Variants in PACS2 observed in about 807,000 individuals in gnomAD.
PACS2 encodes phosphofurin acidic cluster sorting protein 2.
A neutral mutation model predicts 113.0 loss-of-function variants in PACS2; 36 were observed. The ratio of observed to expected loss-of-function variants is 0.32; its 90% CI spans 0.24 to 0.42. The LOEUF is 0.42. Among genes scored for constraint, PACS2 ranks in the 10% least tolerant of loss-of-function variants. The pLI, the probability that PACS2 is intolerant of heterozygous loss-of-function variation, is 1.00. For synonymous variants in PACS2, 589 were observed against 536.1 expected (o/e 1.10, Z -1.36); for missense variants, 1,015 against 1,239.5 (o/e 0.82, Z 2.72).
intron 9 of PACS2, 85 bp downstream of exon 9, chr14:105,377,010 A>G (rs2080807931): frequency 7.1e-7 from 1 of 1,406,302 alleles, no homozygotes; most frequent in Non-Finnish European, 9.6e-7. Flanking sequence ...ACCCATGTCC[A>G]GCCCTGGAGA....
intron 22 of PACS2, 163 bp downstream of exon 22, chr14:105,391,929 C>T (rs1264348381): frequency 9.3e-6 from 6 of 645,494 alleles, no homozygotes; most frequent in Non-Finnish European, 1.3e-5. Context: ...CTCTGGCCAC[C>T]TCCTGCCACA....
chr14:105,338,697 A>T (rs2059616726), intron 1 of PACS2, among the ~76,000 whole-genome samples: 1 of 152,144 alleles, frequency 6.6e-6, no homozygotes, highest in Admixed American at 6.5e-5. Flanking sequence ...GACCTGCGTG[A>T]CTGACCCCTG....
Position 105,394,879 on chromosome 14 carries a change from G to A in PACS2, c.*207G>A, listed in dbSNP as rs1023776171. 7 of 549,684 alleles carry A rather than the reference G, an allele frequency of 1.3e-5. No individual in the cohort carries two copies. Among genetic ancestry groups the A allele is most frequent in the African/African-American group, 9.5e-5 (5 of 52,634 alleles). The allele number at this position is 549,684 out of a possible 1,614,324, so 34.1% of individuals were successfully genotyped here. On this transcript the variant is annotated 3_prime_UTR_variant, in exon 25 of 25. Transcript: ENST00000447393. ...GCTCTGCTTATTAACCCGAACGTTC[G>A]GCCCGGGGCTGGGAAGCCAGAAGGA...
At chr14:105,321,141 C>T (rs1277164369) in intron 1 of PACS2, among the ~76,000 whole-genome samples, 1 of 152,096 alleles carries the variant, frequency 6.6e-6, no homozygotes, top group Non-Finnish European at 1.5e-5. Flanking sequence ...TTTGAACCTG[C>T]TTTCTGGGTC....
rs587703407 is a variant in PACS2 at position 105,381,691 on chromosome 14, C to A, written c.1269-223C>A. Among the ~76,000 whole-genome samples, 4 of 152,362 alleles carry A rather than the reference C, an allele frequency of 2.6e-5. No homozygotes were observed. The East Asian group carries it at 7.7e-4, about 29-fold the overall frequency. ...CTCACAGGCAGAGCTGTGTGGGGTC[C>A]CATCGGAGGCACGGCCTCACTTGTA... is the stretch of plus-strand genomic sequence containing the variant. On this transcript the variant is annotated intron_variant, in intron 12 of 24. Coordinates refer to ENST00000447393, the MANE Select transcript of PACS2 (RefSeq NM_001100913.3).
At chr14:105,364,026 C>T (rs1281162425) in intron 4 of PACS2, among the ~76,000 whole-genome samples, 1 of 152,044 alleles carries the variant, frequency 6.6e-6, no homozygotes, top group African/African-American at 2.4e-5. Flanking sequence ...TTCGTGGTGC[C>T]CCAGAGCAGT....
chr14:105,300,857 G>A, exon 1 of PACS2: 1 of 174,924 alleles, frequency 5.7e-6, no homozygotes, highest in Non-Finnish European at 1.2e-5. Flanking sequence ...CCACGGCGGG[G>A]ACGCGAGGAC....
chr14:105,392,684 A>G lies in PACS2; in HGVS notation c.2321A>G (p.Asp774Gly). 2 of 1,612,788 alleles carry G rather than the reference A, an allele frequency of 1.2e-6. No homozygotes were observed. Among genetic ancestry groups the G allele is most frequent in the Non-Finnish European group, 1.7e-6 (2 of 1,179,898 alleles). The change falls in exon 23 of 25, where the codon GAC becomes GGC. Residue 774 changes from aspartate (D) to glycine (G), a missense_variant. Physicochemically the swap from Asp to Gly is moderately conservative, Grantham distance 94. Coordinates refer to ENST00000447393, the MANE Select transcript of PACS2 (RefSeq NM_001100913.3). The part of the protein sequence containing the change: ...VDYWTAAQPA[D>G]RKRDAEKKDL... Reference sequence around the variant, plus strand: ...TACTGGACGGCAGCACAGCCTGCGGACAGGAAGAGGGACGCCGAGAAGAAG... The same window carrying G: ...TACTGGACGGCAGCACAGCCTGCGGGCAGGAAGAGGGACGCCGAGAAGAAG...
At position 105,358,449 on chromosome 14, in the gene PACS2, G is replaced by A. The variant is rs1011127748; in HGVS notation, c.423+3272G>A. Among the ~76,000 whole-genome samples the A allele has an allele frequency of 1.6e-4, 24 of 152,204 alleles. No homozygotes were observed. Among genetic ancestry groups the A allele is most frequent in the African/African-American group, 5.8e-4 (24 of 41,448 alleles). ...GGGGGCAGACGTGGGGCCTTCTCCT[G>A]TGGTGTGGCTCTCAGAACTCACCCC... On this transcript the variant is annotated intron_variant, in intron 4 of 24. Coordinates refer to ENST00000447393, the MANE Select transcript of PACS2 (RefSeq NM_001100913.3). This position sits in a 1 kb window ranked among gnomAD's most constrained non-coding sequence, Gnocchi z 4.9.
chr14:105,381,704 G>A (rs1255688981), intron 12 of PACS2, among the ~76,000 whole-genome samples: 3 of 152,234 alleles, frequency 2.0e-5, no homozygotes, highest in Non-Finnish European at 2.9e-5. Flanking sequence ...TCGGAGGCAC[G>A]GCCTCACTTG....
intron 1 of PACS2, among the ~76,000 whole-genome samples, chr14:105,306,090 G>A (rs946757583): frequency 1.3e-5 from 2 of 152,208 alleles, no homozygotes; most frequent in African/African-American, 4.8e-5. Flanking sequence ...TAATGTAGGT[G>A]TTGCACTGAA....
chr14:105,362,326 G>A (rs1176953160), intron 4 of PACS2, among the ~76,000 whole-genome samples: 3 of 150,786 alleles, frequency 2.0e-5, no homozygotes, highest in African/African-American at 4.9e-5. Flanking sequence ...GCTGAGGCAG[G>A]AGAATGGTGT....
chr14:105,317,617 TTTTTTTTCTC>T lies in PACS2; in HGVS notation c.119+2590_119+2599del, dbSNP rs367562123. Reference sequence around the variant, plus strand: ...GTGAAATTCCTGTTCCTTTGCCAGTTTTTTTTTCTCTTTTTTTCTGCTTGAGTTTCAGCAG... The same window carrying T: ...GTGAAATTCCTGTTCCTTTGCCAGTTTTTTTTTCTGCTTGAGTTTCAGCAG... On this transcript the variant is annotated intron_variant, in intron 1 of 24. Coordinates refer to ENST00000447393, the MANE Select transcript of PACS2 (RefSeq NM_001100913.3). The surrounding 1 kb of genome is among the most constrained non-coding windows in gnomAD (Gnocchi z 4.2). Among the ~76,000 whole-genome samples, 2 of 146,964 alleles carry T rather than the reference TTTTTTTTCTC, an allele frequency of 1.4e-5. No homozygotes were observed. Among genetic ancestry groups the T allele is most frequent in the African/African-American group, 5.5e-5 (2 of 36,656 alleles).
intron 16 of PACS2, chr14:105,384,057 G>T: frequency 2.5e-6 from 1 of 407,848 alleles, no homozygotes; most frequent in Non-Finnish European, 4.5e-6. Flanking sequence ...CGATGCCGAC[G>T]TCAGAGCCCT....
chr14:105,370,173 G>GTTT, intron 8 of PACS2: 1 of 293,782 alleles, frequency 3.4e-6, no homozygotes, highest in Non-Finnish European at 6.3e-6. Flanking sequence ...TAGTTTGTGT[G>GTTT]TTTTTTTTTT....
intron 1 of PACS2, among the ~76,000 whole-genome samples, chr14:105,345,929 C>T (rs185937108): frequency 8.9e-4 from 136 of 152,312 alleles, no homozygotes; most frequent in South Asian, 8.3e-4. Flanking sequence ...CAGGCCCTTC[C>T]GCGTTTCTGC....
rs781913910 is a variant in PACS2 at position 105,392,626 on chromosome 14, G to A, written c.2263G>A (p.Val755Ile). ...SGGLSSPSQG[V>I]GAELMGLQVD... ...TCCCTCTGCCTTTCCCAGCCAGGGT[G>A]TCGGCGCCGAGCTGATGGGGCTGCA... The change falls in exon 23 of 25, where the codon GTC (valine) becomes ATC (isoleucine). Residue 755 changes from valine (V) to isoleucine (I), a missense_variant. Around this residue, in one of 3 missense-constraint regions of PACS2, gnomAD observed 859 missense variants for 1,056.8 expected, o/e 0.81. Coordinates refer to ENST00000447393, the MANE Select transcript of PACS2 (RefSeq NM_001100913.3). 1.2e-6 allele frequency: 2 copies of A among 1,605,696 alleles called. No individual in the cohort carries two copies. The highest frequency in any genetic ancestry group is 1.3e-5 in the African/African-American group (1 of 74,746).
chr14:105,366,705 C>T lies in PACS2; in HGVS notation c.424-508C>T, dbSNP rs587709697. ...TCCTTGGTCCCCCACAGACACTGGT[C>T]CCTGGGCATTGGCTCCTGTGGGTTG... is the stretch of plus-strand genomic sequence containing the variant. On this transcript the variant is annotated intron_variant, in intron 4 of 24. Coordinates refer to ENST00000447393, the MANE Select transcript of PACS2 (RefSeq NM_001100913.3). This position sits in a 1 kb window ranked among gnomAD's most constrained non-coding sequence, Gnocchi z 4.3. Among the ~76,000 whole-genome samples the T allele has an allele frequency of 1.0e-3, 153 of 152,290 alleles. No individual in the cohort carries two copies. Among genetic ancestry groups the T allele is most frequent in the Non-Finnish European group, 1.9e-3 (128 of 68,018 alleles).
In PACS2 at chr14:105,323,956, G is replaced by C. The variant is rs990032685; in HGVS notation, c.119+8919G>C. Among the ~76,000 whole-genome samples, 2 of 152,254 alleles carry C rather than the reference G, an allele frequency of 1.3e-5. No homozygotes were observed. The highest frequency in any genetic ancestry group is 6.5e-5 in the Admixed American group (1 of 15,290). The stretch of plus-strand genomic sequence containing the variant: ...GCTCTGTCCGCGCAGGCTGTGCCCT[G>C]CTTTCAAGATGCCTGGAAACCTCTG... On this transcript the variant is annotated intron_variant, in intron 1 of 24. Coordinates refer to ENST00000447393, the MANE Select transcript of PACS2 (RefSeq NM_001100913.3). The surrounding 1 kb of genome is among the most constrained non-coding windows in gnomAD (Gnocchi z 4.1).
Sources: gnomAD v4.1 joint callset for allele counts (sites outside exome capture counted in the v4.1 genomes callset) on GRCh38, gnomAD v4.1.1 for gene constraint, gnomAD v4.1.1 regional missense constraint, Gnocchi (gnomAD v3.1) non-coding constraint, MANE v1.5 for transcripts, NCBI Gene and HGNC (gene_info 2026-07-23, HGNC 2026-07-21) for gene names.